Variants in NPAS2 observed in about 807,000 individuals in gnomAD.
NPAS2 encodes the protein neuronal PAS domain-containing protein 2.
Under a neutral mutation model 107.5 loss-of-function variants are expected in NPAS2, and 23 were observed. That is an observed-to-expected ratio of 0.21 (90% CI 0.15 to 0.30). NPAS2 has a LOEUF of 0.30. NPAS2 is among the 10% of genes least tolerant of loss of function. NPAS2 has a pLI of 1.00. For missense variants in NPAS2, 756 were observed against 1,043.3 expected (o/e 0.72, Z 3.79); for synonymous variants, 403 against 417.5 (o/e 0.97, Z 0.42).
intron 1 of NPAS2, among the ~76,000 whole-genome samples, chr2:100,900,759 C>T (rs1236935983): frequency 6.6e-6 from 1 of 152,132 alleles, no homozygotes; most frequent in Non-Finnish European, 1.5e-5. Context: ...TGTTTCTCCC[C>T]AAGCTTTTTC....
intron 1 of NPAS2, among the ~76,000 whole-genome samples, chr2:100,832,872 T>C (rs1343453920): frequency 2.0e-5 from 3 of 152,360 alleles, no homozygotes; most frequent in Non-Finnish European, 4.4e-5. Flanking sequence ...AATCTCCTTA[T>C]GTTTTCCTCG....
chr2:100,829,290 C>G (rs535657167), intron 1 of NPAS2, among the ~76,000 whole-genome samples: 1 of 151,404 alleles, frequency 6.6e-6, no homozygotes. Flanking sequence ...GTAGTTGGGA[C>G]TACAGGCACG....
chr2:100,933,640 C>T (rs945763999), intron 4 of NPAS2, among the ~76,000 whole-genome samples: 2 of 152,174 alleles, frequency 1.3e-5, no homozygotes, highest in Non-Finnish European at 2.9e-5. Flanking sequence ...GAGTCCCTTT[C>T]CTCAACATCA....
intron 15 of NPAS2, among the ~76,000 whole-genome samples, chr2:100,979,671 C>A (rs1036679916): frequency 6.6e-6 from 1 of 151,648 alleles, no homozygotes; most frequent in African/African-American, 2.4e-5. Context: ...GCACCACTAC[C>A]AGGAATGCAC....
At chr2:100,832,990 T>C (rs1432671023) in intron 1 of NPAS2, among the ~76,000 whole-genome samples, 1 of 152,206 alleles carries the variant, frequency 6.6e-6, no homozygotes, top group Non-Finnish European at 1.5e-5. Flanking sequence ...GCGATGTCTG[T>C]GTTTTCTAAC....
chr2:100,909,778 G>A (rs894017890), intron 2 of NPAS2, among the ~76,000 whole-genome samples: 3 of 151,806 alleles, frequency 2.0e-5, no homozygotes, highest in East Asian at 1.9e-4. Flanking sequence ...CAGGCATTGT[G>A]AGAACGCAGG....
intron 1 of NPAS2, among the ~76,000 whole-genome samples, chr2:100,833,817 C>A (rs1418420669): frequency 6.6e-6 from 1 of 152,114 alleles, no homozygotes; most frequent in Non-Finnish European, 1.5e-5. Flanking sequence ...AGAGGCTTGG[C>A]TTGCAGAATG....
At chr2:100,843,365 C>T (rs1677569870) in intron 1 of NPAS2, among the ~76,000 whole-genome samples, 1 of 152,130 alleles carries the variant, frequency 6.6e-6, no homozygotes, top group South Asian at 2.1e-4. Flanking sequence ...CCCCTGCCCC[C>T]AACATTGCAC....
At chr2:100,885,427 T>A (rs973906833) in intron 1 of NPAS2, among the ~76,000 whole-genome samples, 1 of 152,348 alleles carries the variant, frequency 6.6e-6, no homozygotes, top group African/African-American at 2.4e-5. Context: ...TCTGTTTAAA[T>A]TTATAACATG....
upstream of NPAS2, among the ~76,000 whole-genome samples, chr2:100,818,782 G>C (rs1035243012): frequency 7.2e-5 from 11 of 152,368 alleles, no homozygotes; most frequent in Non-Finnish European, 1.0e-4. Flanking sequence ...CGCTCGGAGC[G>C]CTGCGCCAGG....
chr2:100,941,477 C>T (rs1319881178), intron 5 of NPAS2, among the ~76,000 whole-genome samples: 2 of 152,160 alleles, frequency 1.3e-5, no homozygotes, highest in South Asian at 2.1e-4. Flanking sequence ...GTGGGAGAAT[C>T]GCTTGAGCCT....
At chr2:100,892,682 G>A (rs553057178) in intron 1 of NPAS2, among the ~76,000 whole-genome samples, 5 of 152,068 alleles carry the variant, frequency 3.3e-5, no homozygotes, top group Non-Finnish European at 7.4e-5. Flanking sequence ...CGGCTCTCAG[G>A]CTTTCACTGT....
At chr2:100,928,998 G>A (rs538398969) in intron 3 of NPAS2, among the ~76,000 whole-genome samples, 42 of 152,320 alleles carry the variant, frequency 2.8e-4, no homozygotes, top group African/African-American at 9.9e-4. Context: ...CCACCTCCCA[G>A]GTTCAAGCGA....
chr2:100,855,579 G>A (rs1249503831), intron 1 of NPAS2, among the ~76,000 whole-genome samples: 1 of 152,206 alleles, frequency 6.6e-6, no homozygotes, highest in African/African-American at 2.4e-5. Context: ...CAATCCAGAT[G>A]TGAGAAAGCA....
chr2:100,938,918 A>G (rs1225059638), intron 5 of NPAS2, among the ~76,000 whole-genome samples: 1 of 152,066 alleles, frequency 6.6e-6, no homozygotes, highest in Non-Finnish European at 1.5e-5. Context: ...TCATCCATGG[A>G]TAGGTGGCCA....
At chr2:100,819,769 G>C (rs1443194652), upstream of NPAS2, among the ~76,000 whole-genome samples, 1 of 148,572 alleles carries the variant, frequency 6.7e-6, no homozygotes, top group Non-Finnish European at 1.5e-5. The surrounding 1 kb of genome is among the most constrained non-coding windows in gnomAD (Gnocchi z 5.8). Context: ...CTCTCCTCTG[G>C]GCCGGCTCAC....
chr2:100,862,544 A>G (rs1573490962), intron 1 of NPAS2, among the ~76,000 whole-genome samples: 1 of 152,200 alleles, frequency 6.6e-6, no homozygotes, highest in African/African-American at 2.4e-5. Flanking sequence ...AGGTCAGGGC[A>G]TGGTGATCCA....
At chr2:100,842,081 G>GCACGCGCGCACACACACACACA in intron 1 of NPAS2, among the ~76,000 whole-genome samples, 2 of 148,902 alleles carry the variant, frequency 1.3e-5, no homozygotes, top group East Asian at 3.9e-4. Context: ...GCATGTACGC[G>GCACGCGCGCACACACACACACA]CACACACACA....
In NPAS2 at chr2:100,968,463, T is replaced by G. The variant is rs143792644; in HGVS notation, c.1055+35T>G. ...ACGGGCAGGGGTGCGGCTGCGTCCT[T>G]GTCGCACCTGGGGGAGGGGTGCAGG... On this transcript the variant is annotated intron_variant, in intron 11 of 20. Coordinates refer to ENST00000335681, the MANE Select transcript of NPAS2 (RefSeq NM_002518.4). This position sits in a 1 kb window ranked among gnomAD's most constrained non-coding sequence, Gnocchi z 5.3. 7.4e-4 allele frequency: 1,180 copies of G among 1,602,356 alleles called. 8 individuals are homozygous for G. In the African/African-American group the frequency reaches 0.014, roughly 19 times the overall value.
Sources: gnomAD v4.1 joint callset for allele counts (sites outside exome capture counted in the v4.1 genomes callset) on GRCh38, gnomAD v4.1.1 for gene constraint, Gnocchi (gnomAD v3.1) non-coding constraint, MANE v1.5 for transcripts, NCBI Gene and HGNC (gene_info 2026-07-23, HGNC 2026-07-21) for gene names.